The following FAM171A1 variants were observed in gnomAD, a reference collection of about 807,000 sequenced individuals.
The protein encoded by FAM171A1 is family with sequence similarity 171 member A1.
FAM171A1 carries 23 observed loss-of-function variants against 74.9 expected under a neutral mutation model. That is an observed-to-expected ratio of 0.31 (90% CI 0.22 to 0.44). The LOEUF is 0.44. FAM171A1 is among the 20% of genes least tolerant of loss of function. The pLI, the probability that FAM171A1 is intolerant of heterozygous loss-of-function variation, is 1.00. For synonymous variants in FAM171A1, 527 were observed against 505.7 expected (o/e 1.04, Z -0.57); for missense variants, 1,162 against 1,159.2 (o/e 1.00, Z -0.03).
intron 1 of FAM171A1, among the ~76,000 whole-genome samples, chr10:15,341,222 G>A (rs1175512465): frequency 6.6e-6 from 1 of 152,160 alleles, no homozygotes; most frequent in Non-Finnish European, 1.5e-5. Context: ...GACAAATTGG[G>A]ACAGCTCCCC....
chr10:15,216,393 C>T, intron 6 of FAM171A1, among the ~76,000 whole-genome samples: 1 of 152,116 alleles, frequency 6.6e-6, no homozygotes, highest in African/African-American at 2.4e-5. Flanking sequence ...GTGCGCCTCA[C>T]TTGGTAGCAT....
intron 1 of FAM171A1, among the ~76,000 whole-genome samples, chr10:15,367,758 G>A (rs1451129948): frequency 1.3e-5 from 2 of 152,188 alleles, no homozygotes; most frequent in Admixed American, 6.5e-5. Flanking sequence ...GCGCATCATC[G>A]CAAAACACCT....
intron 6 of FAM171A1, among the ~76,000 whole-genome samples, chr10:15,220,195 TCATAAAGATTTGCCATTTGAG>T (rs1289017254): frequency 6.6e-6 from 1 of 151,866 alleles, no homozygotes; most frequent in Non-Finnish European, 1.5e-5. Context: ...AAAAGAAAAA[TCATAAAGATTTGCCATTTGAG>T]CATAAAGATT....
At chr10:15,317,017 G>A (rs1157259083) in intron 1 of FAM171A1, among the ~76,000 whole-genome samples, 3 of 151,654 alleles carry the variant, frequency 2.0e-5, no homozygotes, top group Non-Finnish European at 2.9e-5. Context: ...CTGTCTAGCA[G>A]GAGAGCTCCC....
At chr10:15,229,707 AT>A (rs1247396871) in intron 5 of FAM171A1, among the ~76,000 whole-genome samples, 5 of 139,898 alleles carry the variant, frequency 3.6e-5, no homozygotes, top group South Asian at 2.3e-4. Flanking sequence ...CACCATCATC[AT>A]CATCACCACC....
chr10:15,330,038 T>A (rs1405884465), intron 1 of FAM171A1, among the ~76,000 whole-genome samples: 1 of 152,146 alleles, frequency 6.6e-6, no homozygotes, highest in Non-Finnish European at 1.5e-5. Flanking sequence ...TTAATTCTCC[T>A]GGTAAACATT....
chr10:15,290,809 T>A (rs565317177), intron 1 of FAM171A1, among the ~76,000 whole-genome samples: 2 of 152,256 alleles, frequency 1.3e-5, no homozygotes, highest in East Asian at 3.9e-4. Flanking sequence ...CCAGGTTGTT[T>A]ACCACTGAAT....
In FAM171A1 at chr10:15,284,037, T is replaced by A. The variant is rs375338905; in HGVS notation, c.166A>T (p.Ile56Phe). Residue 56 changes from isoleucine (I) to phenylalanine (F), a missense_variant, in exon 2 of 8, where the codon ATC becomes TTC. Ile to Phe is a conservative substitution (Grantham distance 21). Coordinates refer to ENST00000378116, the MANE Select transcript of FAM171A1 (RefSeq NM_001010924.2). ...HQPVADALIE[I>F]FTNQASIASG... Reference sequence around the variant, plus strand: ...GCTATGGAGGCCTGGTTGGTGAAGATCTCGATGAGCGCATCTGCTACGGGC... The same window carrying A: ...GCTATGGAGGCCTGGTTGGTGAAGAACTCGATGAGCGCATCTGCTACGGGC... 1.2e-6 allele frequency: 2 copies of A among 1,614,072 alleles called. No individual in the cohort carries two copies. Among genetic ancestry groups the A allele is most frequent in the Non-Finnish European group, 1.7e-6 (2 of 1,180,020 alleles).
upstream of FAM171A1, among the ~76,000 whole-genome samples, chr10:15,372,570 T>A (rs963008979): frequency 1.3e-5 from 2 of 151,716 alleles, no homozygotes; most frequent in South Asian, 2.1e-4. Flanking sequence ...TAGTGGCCCA[T>A]GCCTGTGGTC....
intron 1 of FAM171A1, among the ~76,000 whole-genome samples, chr10:15,359,844 GCT>G (rs1835973656): frequency 6.6e-6 from 1 of 152,184 alleles, no homozygotes. Flanking sequence ...GGTCAGAAAG[GCT>G]TCTGGCCAGG....
intron 1 of FAM171A1, among the ~76,000 whole-genome samples, chr10:15,336,188 G>C (rs774425515): frequency 6.6e-6 from 1 of 152,154 alleles, no homozygotes; most frequent in African/African-American, 2.4e-5. Flanking sequence ...TAGGGACAGA[G>C]AAACCTAGAG....
intron 1 of FAM171A1, among the ~76,000 whole-genome samples, chr10:15,291,559 T>C (rs1019832496): frequency 3.3e-5 from 5 of 152,182 alleles, no homozygotes; most frequent in African/African-American, 1.2e-4. Flanking sequence ...AAGAAATCCA[T>C]GGTATCCAAA....
chr10:15,343,765 C>T (rs1310066375), intron 1 of FAM171A1, among the ~76,000 whole-genome samples: 1 of 152,102 alleles, frequency 6.6e-6, no homozygotes, highest in Non-Finnish European at 1.5e-5. Context: ...GGGCTGGGAA[C>T]TGAACCTGGG....
intron 2 of FAM171A1, among the ~76,000 whole-genome samples, chr10:15,279,804 G>A (rs1176033295): frequency 6.6e-6 from 1 of 152,164 alleles, no homozygotes; most frequent in Non-Finnish European, 1.5e-5. Context: ...TGCAGTTCCA[G>A]CTACTCGGGA....
At chr10:15,289,510 C>T (rs982409410) in intron 1 of FAM171A1, among the ~76,000 whole-genome samples, 4 of 152,180 alleles carry the variant, frequency 2.6e-5, no homozygotes, top group Admixed American at 6.5e-5. Flanking sequence ...TTTGTACCCT[C>T]GTGAACACTG....
chr10:15,277,521 G>T (rs1473941718), intron 2 of FAM171A1, among the ~76,000 whole-genome samples: 1 of 152,150 alleles, frequency 6.6e-6, no homozygotes, highest in African/African-American at 2.4e-5. Flanking sequence ...AACGTACCTG[G>T]CATCTGAAGT....
chr10:15,320,221 A>G (rs1835470773), intron 1 of FAM171A1, among the ~76,000 whole-genome samples: 1 of 152,184 alleles, frequency 6.6e-6, no homozygotes, highest in Admixed American at 6.5e-5. Context: ...AGAACGTGGT[A>G]TTCAGTTTCC....
intron 5 of FAM171A1, among the ~76,000 whole-genome samples, chr10:15,231,669 A>G (rs922279259): frequency 6.6e-6 from 1 of 151,886 alleles, no homozygotes; most frequent in Non-Finnish European, 1.5e-5. Context: ...ATTTCCTACC[A>G]TGTGGCTGTA....
intron 1 of FAM171A1, among the ~76,000 whole-genome samples, chr10:15,324,203 A>G (rs987258550): frequency 1.3e-5 from 2 of 152,152 alleles, no homozygotes; most frequent in African/African-American, 4.8e-5. Context: ...TAACACCAAG[A>G]CATCTACTTG....
Sources: allele counts gnomAD v4.1 joint callset (sites outside exome capture counted in the v4.1 genomes callset), GRCh38; gene constraint gnomAD v4.1.1; transcripts MANE v1.5; gene names NCBI Gene and HGNC (gene_info 2026-07-23, HGNC 2026-07-21).